Variants in CDH18 observed in about 807,000 individuals in gnomAD.
The protein encoded by CDH18 is cadherin 18.
CDH18 carries 31 observed loss-of-function variants against 67.9 expected under a neutral mutation model. That is an observed-to-expected ratio of 0.46 (90% CI 0.34 to 0.62). CDH18 has a LOEUF of 0.62. Among genes scored for constraint, CDH18 ranks in the 20% least tolerant of loss-of-function variants. CDH18 has a pLI of 0.01. For synonymous variants in CDH18, 362 were observed against 347.2 expected, an observed-to-expected ratio of 1.04 and a Z score of -0.48; for missense variants, 890 against 975.5, an observed-to-expected ratio of 0.91 and a Z score of 1.17.
intron 1 of CDH18, among the ~76,000 whole-genome samples, chr5:20,445,069 T>C (rs1749906315): frequency 6.6e-6 from 1 of 152,236 alleles, no homozygotes; most frequent in Non-Finnish European, 1.5e-5. Flanking sequence ...AGTGCCTTTA[T>C]ACACTACTTT....
At chr5:19,796,122 A>C (rs1240585530) in intron 3 of CDH18, among the ~76,000 whole-genome samples, 8 of 152,072 alleles carry the variant, frequency 5.3e-5, no homozygotes, top group Non-Finnish European at 2.9e-5. Context: ...ATTCTGGGAT[A>C]AAATGGAAAA....
At chr5:19,816,879 A>G (rs1467901078) in intron 3 of CDH18, among the ~76,000 whole-genome samples, 1 of 151,846 alleles carries the variant, frequency 6.6e-6, no homozygotes, top group Non-Finnish European at 1.5e-5. Flanking sequence ...AGTGCAAAGA[A>G]TTACTATATT....
intron 1 of CDH18, among the ~76,000 whole-genome samples, chr5:20,330,963 T>C (rs1279233281): frequency 6.6e-6 from 1 of 152,226 alleles, no homozygotes; most frequent in Non-Finnish European, 1.5e-5. Context: ...GAGGCAAGAA[T>C]TGAGCTTGCT....
intron 8 of CDH18, 27 bp downstream of exon 8, chr5:19,571,552 T>A (rs1401867232): frequency 6.3e-7 from 1 of 1,586,012 alleles, no homozygotes; most frequent in South Asian, 1.1e-5. Context: ...AATCTTTCTA[T>A]GTCTAAACGA....
chr5:19,577,844 C>T (rs1293911747), intron 7 of CDH18, among the ~76,000 whole-genome samples: 1 of 152,142 alleles, frequency 6.6e-6, no homozygotes, highest in East Asian at 1.9e-4. Flanking sequence ...ATGTAGTAAA[C>T]TATAAGAAGA....
intron 2 of CDH18, among the ~76,000 whole-genome samples, chr5:20,181,338 C>T (rs991589299): frequency 6.6e-6 from 1 of 152,080 alleles, no homozygotes; most frequent in Non-Finnish European, 1.5e-5. Context: ...CTCCTCTTGG[C>T]ATCCAGCTTG....
chr5:19,837,513 GAA>G (rs1313672709), intron 3 of CDH18, among the ~76,000 whole-genome samples: 1 of 151,872 alleles, frequency 6.6e-6, no homozygotes, highest in Non-Finnish European at 1.5e-5. Context: ...TTTATTTTAT[GAA>G]ATACTTGGTA....
At chr5:19,777,114 T>C (rs1476430702) in intron 3 of CDH18, among the ~76,000 whole-genome samples, 1 of 152,074 alleles carries the variant, frequency 6.6e-6, no homozygotes, top group Admixed American at 6.6e-5. Context: ...ACCCTGTCTC[T>C]ACTAAAAATA....
At chr5:20,167,030 C>A (rs954945381) in intron 2 of CDH18, among the ~76,000 whole-genome samples, 3 of 151,962 alleles carry the variant, frequency 2.0e-5, no homozygotes, top group Non-Finnish European at 4.4e-5. Flanking sequence ...TTTTATGTTT[C>A]TTGAAGAATA....
intron 1 of CDH18, among the ~76,000 whole-genome samples, chr5:19,985,200 G>A (rs1025418540): frequency 2.0e-4 from 31 of 152,048 alleles, no homozygotes; most frequent in South Asian, 2.1e-4. Context: ...CCACAGTACT[G>A]TGTTAGGGAT....
At chr5:20,157,926 C>T (rs182268390) in intron 2 of CDH18, among the ~76,000 whole-genome samples, 4 of 152,228 alleles carry the variant, frequency 2.6e-5, no homozygotes, top group Non-Finnish European at 5.9e-5. Context: ...AGGCATGTGC[C>T]AACCCAATTC....
At chr5:19,853,869 T>C (rs1410794345) in intron 2 of CDH18, among the ~76,000 whole-genome samples, 1 of 152,138 alleles carries the variant, frequency 6.6e-6, no homozygotes, top group Non-Finnish European at 1.5e-5. Flanking sequence ...TGGACAACTA[T>C]AAATATATGA....
chr5:20,026,383 T>C (rs1263484772), intron 2 of CDH18, among the ~76,000 whole-genome samples: 5 of 152,202 alleles, frequency 3.3e-5, no homozygotes, highest in Non-Finnish European at 7.3e-5. Flanking sequence ...GGAATTTCTG[T>C]GAGGTTTGCA....
intron 2 of CDH18, among the ~76,000 whole-genome samples, chr5:20,179,913 G>A (rs1034091658): frequency 4.6e-5 from 7 of 152,206 alleles, no homozygotes; most frequent in Non-Finnish European, 8.8e-5. Flanking sequence ...GGAGCTGGCT[G>A]TTGGAGGGAA....
intron 2 of CDH18, among the ~76,000 whole-genome samples, chr5:20,089,567 T>C (rs1745253168): frequency 6.6e-6 from 1 of 152,182 alleles, no homozygotes; most frequent in African/African-American, 2.4e-5. Flanking sequence ...TTTGGATGAA[T>C]ACTATTTACA....
intron 1 of CDH18, among the ~76,000 whole-genome samples, chr5:20,432,926 A>G (rs997651277): frequency 6.7e-6 from 1 of 148,784 alleles, no homozygotes; most frequent in African/African-American, 2.4e-5. Context: ...CCTCTTATAG[A>G]TATAATATAT....
At chr5:20,508,791 AT>A (rs1286927232) in intron 1 of CDH18, among the ~76,000 whole-genome samples, 3 of 152,054 alleles carry the variant, frequency 2.0e-5, no homozygotes, top group African/African-American at 7.2e-5. Context: ...ATTAAAATTT[AT>A]TCTGTAGAAA....
intron 11 of CDH18, among the ~76,000 whole-genome samples, chr5:19,496,254 G>A (rs1410590888): frequency 1.3e-5 from 2 of 152,168 alleles, no homozygotes; most frequent in Non-Finnish European, 2.9e-5. Context: ...CTGCAAATCA[G>A]CTGTGACTCA....
intron 1 of CDH18, among the ~76,000 whole-genome samples, chr5:20,499,848 A>G (rs1754143553): frequency 6.6e-6 from 1 of 152,188 alleles, no homozygotes; most frequent in Non-Finnish European, 1.5e-5. Context: ...TTTGCTGTAT[A>G]CTGACAAATT....
Sources: allele counts gnomAD v4.1 joint callset (sites outside exome capture counted in the v4.1 genomes callset), GRCh38; gene constraint gnomAD v4.1.1; transcripts MANE v1.5; gene names NCBI Gene and HGNC (gene_info 2026-07-23, HGNC 2026-07-21).